The following EGFLAM variants were observed in gnomAD, a reference collection of about 807,000 sequenced individuals.
EGFLAM encodes EGF like, fibronectin type III and laminin G domains.
In EGFLAM, 79 loss-of-function variants were observed where a neutral mutation model predicts 113.1. That is an observed-to-expected ratio of 0.70 (90% confidence interval 0.58 to 0.84). The LOEUF (loss-of-function observed/expected upper bound fraction) is 0.84, where lower values mean the gene tolerates loss of function less well. Ranked by LOEUF, EGFLAM falls within the 40% of genes least tolerant of loss-of-function variation. EGFLAM has a pLI of 0.00. For missense variants in EGFLAM, 1,265 were observed against 1,291.6 expected, an observed-to-expected ratio of 0.98 and a Z score of 0.32; for synonymous variants, 504 against 487.6, an observed-to-expected ratio of 1.03 and a Z score of -0.44.
intron 1 of EGFLAM, among the ~76,000 whole-genome samples, chr5:38,262,896 A>G (rs1017215661): frequency 2.0e-5 from 3 of 152,214 alleles, no homozygotes; most frequent in African/African-American, 4.8e-5. Context: ...TGGATAAGAA[A>G]TCACCAAACT....
intron 18 of EGFLAM, among the ~76,000 whole-genome samples, chr5:38,449,756 AT>A: frequency 6.6e-6 from 1 of 152,168 alleles, no homozygotes; most frequent in East Asian, 1.9e-4. Context: ...TTCAGGGTCT[AT>A]TTCAGTCAGA....
rs1162129758 is a variant in EGFLAM at position 38,385,280 on chromosome 5, CCCCCCCCCCCG to C, written c.712+14824_712+14834del. 1.2e-3 allele frequency among the ~76,000 whole-genome samples: 81 copies of C among 68,320 alleles called. 2 individuals carry two copies. The South Asian group carries it at 0.031, about 26-fold the overall frequency. The allele number at this position is 68,320 out of a possible 152,430, so 44.8% of individuals were successfully genotyped here. On this transcript the variant is annotated intron_variant, in intron 6 of 21. Coordinates refer to ENST00000322350, the MANE Select transcript of EGFLAM (RefSeq NM_152403.4). ...GATTCAAGGACTGTTTCCCACCCAC[CCCCCCCCCCCG>C]CCCCCGCCACCGCCAACAAACACCA...
chr5:38,463,367 A>AT (rs1377982656), intron 21 of EGFLAM, among the ~76,000 whole-genome samples: 1 of 152,248 alleles, frequency 6.6e-6, no homozygotes, highest in Non-Finnish European at 1.5e-5. Context: ...ATGGCTTATT[A>AT]TAATTAATTC....
chr5:38,441,011 G>A (rs1034054012), intron 17 of EGFLAM, among the ~76,000 whole-genome samples: 2 of 152,172 alleles, frequency 1.3e-5, no homozygotes, highest in African/African-American at 4.8e-5. Flanking sequence ...ACAAATCCTG[G>A]AGCAGTTCCA....
intron 4 of EGFLAM, among the ~76,000 whole-genome samples, chr5:38,351,899 T>A (rs539111783): frequency 3.4e-4 from 51 of 152,238 alleles, no homozygotes; most frequent in African/African-American, 1.2e-3. Context: ...CCAGGATCAG[T>A]GGCTGGGACA....
intron 20 of EGFLAM, 80 bp downstream of exon 20, chr5:38,458,474 C>T (rs1743164812): frequency 7.2e-7 from 1 of 1,383,456 alleles, no homozygotes; most frequent in Non-Finnish European, 9.9e-7. Context: ...TGTAGTCCCA[C>T]TGTCCTGTTC....
At chr5:38,440,708 T>G (rs1456233517) in intron 17 of EGFLAM, among the ~76,000 whole-genome samples, 1 of 152,176 alleles carries the variant, frequency 6.6e-6, no homozygotes, top group Non-Finnish European at 1.5e-5. Context: ...TGCCTCATAA[T>G]CAAACCATGT....
intron 6 of EGFLAM, among the ~76,000 whole-genome samples, chr5:38,397,615 T>C (rs1740995770): frequency 1.3e-5 from 2 of 150,596 alleles, no homozygotes. Context: ...TTTTCTAAGA[T>C]AGGGTCTACC....
intron 5 of EGFLAM, among the ~76,000 whole-genome samples, chr5:38,365,092 A>G (rs951879065): frequency 2.6e-5 from 4 of 152,006 alleles, no homozygotes; most frequent in African/African-American, 9.7e-5. Flanking sequence ...AACAAATTCC[A>G]CTCTCAAAAG....
intron 1 of EGFLAM, among the ~76,000 whole-genome samples, chr5:38,289,928 T>G (rs560254427): frequency 6.6e-6 from 1 of 152,344 alleles, no homozygotes; most frequent in South Asian, 2.1e-4. Flanking sequence ...ATTTAATGAA[T>G]AGCCAATATT....
At chr5:38,412,460 C>T in intron 10 of EGFLAM, 44 bp from the exon 11 acceptor site, 1 of 1,613,846 alleles carries the variant, frequency 6.2e-7, no homozygotes, top group African/African-American at 1.3e-5. Context: ...AACATAATGG[C>T]CTGGTTCGTC....
intron 1 of EGFLAM, among the ~76,000 whole-genome samples, chr5:38,316,055 C>T (rs906568779): frequency 4.4e-5 from 6 of 136,270 alleles, no homozygotes; most frequent in African/African-American, 1.8e-4. Flanking sequence ...CCAGCCTGGG[C>T]AACAGAGCAA....
chr5:38,354,784 T>C (rs1739723561), intron 5 of EGFLAM, among the ~76,000 whole-genome samples: 1 of 152,222 alleles, frequency 6.6e-6, no homozygotes, highest in South Asian at 2.1e-4. Context: ...AGATAATCTG[T>C]GTAACCCTGA....
intron 1 of EGFLAM, among the ~76,000 whole-genome samples, chr5:38,288,139 A>G (rs1758215039): frequency 6.6e-6 from 1 of 152,214 alleles, no homozygotes; most frequent in Non-Finnish European, 1.5e-5. Flanking sequence ...TTCTTAATAT[A>G]GATTTTTATT....
At chr5:38,405,667 A>T (rs2112124263) in intron 6 of EGFLAM, among the ~76,000 whole-genome samples, 1 of 152,316 alleles carries the variant, frequency 6.6e-6, no homozygotes, top group Non-Finnish European at 1.5e-5. Flanking sequence ...GATGCTATGA[A>T]CCTGTTTTGA....
At chr5:38,447,782 G>A in intron 17 of EGFLAM, among the ~76,000 whole-genome samples, 1 of 149,972 alleles carries the variant, frequency 6.7e-6, no homozygotes, top group African/African-American at 2.4e-5. Flanking sequence ...AAAAGATCTT[G>A]TGAAATACAC....
chr5:38,453,580 A>G (rs1462571265), intron 19 of EGFLAM, among the ~76,000 whole-genome samples: 1 of 152,178 alleles, frequency 6.6e-6, no homozygotes, highest in Non-Finnish European at 1.5e-5. Flanking sequence ...GGTGAGAGGC[A>G]GCTTCTCACC....
chr5:38,394,960 GAC>G (rs983132715), intron 6 of EGFLAM, among the ~76,000 whole-genome samples: 8 of 151,374 alleles, frequency 5.3e-5, no homozygotes, highest in African/African-American at 1.2e-4. Flanking sequence ...ATTTTTTTGA[GAC>G]AGAGTTTTGC....
intron 1 of EGFLAM, among the ~76,000 whole-genome samples, chr5:38,313,291 C>G (rs1738504811): frequency 6.6e-6 from 1 of 152,098 alleles, no homozygotes; most frequent in South Asian, 2.1e-4. Flanking sequence ...TCATAGACTG[C>G]CTTGTTTACA....
Sources: gnomAD v4.1 joint callset for allele counts (sites outside exome capture counted in the v4.1 genomes callset) on GRCh38, gnomAD v4.1.1 for gene constraint, MANE v1.5 for transcripts, NCBI Gene and HGNC (gene_info 2026-07-23, HGNC 2026-07-21) for gene names.